Variants in ABHD6 observed in about 807,000 individuals in gnomAD.
ABHD6 encodes abhydrolase domain containing 6, acylglycerol lipase.
A neutral mutation model predicts 38.8 loss-of-function variants in ABHD6; 33 were observed. That is an observed-to-expected ratio of 0.85 (90% CI 0.64 to 1.14). ABHD6 has a LOEUF of 1.14. Ranked by LOEUF, ABHD6 falls within the 50% of genes most tolerant of loss-of-function variation. ABHD6 has a pLI of 0.00. For missense variants in ABHD6, 380 were observed against 422.6 expected, an observed-to-expected ratio of 0.90 and a Z score of 0.88; for synonymous variants, 147 against 161.6, an observed-to-expected ratio of 0.91 and a Z score of 0.69.
intron 7 of ABHD6, among the ~76,000 whole-genome samples, chr3:58,282,726 A>G (rs778680916): frequency 4.6e-5 from 7 of 152,124 alleles, no homozygotes; most frequent in Non-Finnish European, 1.0e-4. Context: ...ACAGAGTGAG[A>G]CCCTGTCTCA....
At chr3:58,253,434 C>T (rs2107430753) in intron 2 of ABHD6, among the ~76,000 whole-genome samples, 1 of 152,340 alleles carries the variant, frequency 6.6e-6, no homozygotes, top group South Asian at 2.1e-4. Context: ...AGATTCCCTT[C>T]AGTCTGTGAT....
intron 1 of ABHD6, among the ~76,000 whole-genome samples, chr3:58,240,847 C>T (rs2097422305): frequency 6.6e-6 from 1 of 151,896 alleles, no homozygotes; most frequent in Non-Finnish European, 1.5e-5. Context: ...TCTCCTGCCT[C>T]AGCCTCCAGA....
At chr3:58,248,432 TCAC>T (rs2097427858) in intron 1 of ABHD6, among the ~76,000 whole-genome samples, 1 of 152,152 alleles carries the variant, frequency 6.6e-6, no homozygotes, top group Non-Finnish European at 1.5e-5. Flanking sequence ...GCATGGTGGC[TCAC>T]GCCTGTAATC....
At chr3:58,252,224 T>A (rs1263561351) in intron 2 of ABHD6, among the ~76,000 whole-genome samples, 1 of 126,874 alleles carries the variant, frequency 7.9e-6, no homozygotes, top group Non-Finnish European at 1.6e-5. Flanking sequence ...TTAAATTGAC[T>A]GCTTGTTTTT....
In ABHD6 at chr3:58,270,406, A is replaced by C. The variant is rs569252798; in HGVS notation, c.391-526A>C. Reference sequence around the variant, plus strand: ...TGCAACAGCAGAGTTGAATAGTTGCAACAGATCATATGGCTCTCAAAGCAG... The same window carrying C: ...TGCAACAGCAGAGTTGAATAGTTGCCACAGATCATATGGCTCTCAAAGCAG... On this transcript the variant is annotated intron_variant, in intron 5 of 9. Transcript: ENST00000478253. Among the ~76,000 whole-genome samples the C allele has an allele frequency of 3.3e-5, 5 of 152,158 alleles. No individual in the cohort carries two copies. The South Asian group carries it at 1.0e-3, about 32-fold the overall frequency.
chr3:58,280,009 G>A (rs2097451899), intron 7 of ABHD6, among the ~76,000 whole-genome samples: 1 of 152,086 alleles, frequency 6.6e-6, no homozygotes, highest in Non-Finnish European at 1.5e-5. Flanking sequence ...TTTCTCTCTG[G>A]CTGCCCTTAA....
rs2097465704 is a variant in ABHD6 at position 58,294,240 on chromosome 3, AGAC to A, written c.*476_*478del. On this transcript the variant is annotated 3_prime_UTR_variant, in exon 10 of 10. Coordinates refer to ENST00000478253, the MANE Select transcript of ABHD6 (RefSeq NM_001320126.2). ...TAGGTCTAATTTAAGTTTTACATAG[AGAC>A]CCATGTATGACTGCAGCCCATTGGC... The A allele has an allele frequency of 6.5e-6, 1 of 153,728 alleles. No individual in the cohort carries two copies. The highest frequency in any genetic ancestry group is 1.4e-5 in the Non-Finnish European group (1 of 69,066). The allele number at this position is 153,728 out of a possible 1,614,324, so 9.5% of individuals were successfully genotyped here.
At chr3:58,290,375 G>C (rs2097461324) in intron 9 of ABHD6, among the ~76,000 whole-genome samples, 1 of 137,226 alleles carries the variant, frequency 7.3e-6, no homozygotes, top group Non-Finnish European at 1.6e-5. Flanking sequence ...GGATGGAGCG[G>C]CTGGCCGGGC....
intron 7 of ABHD6, among the ~76,000 whole-genome samples, chr3:58,281,188 A>T (rs974535131): frequency 6.6e-6 from 1 of 152,242 alleles, no homozygotes; most frequent in African/African-American, 2.4e-5. Flanking sequence ...TGTTCAGCTA[A>T]GCCCTGCCCA....
Position 58,259,382 on chromosome 3 carries a change from A to G in ABHD6, c.119+2677A>G, listed in dbSNP as rs147064588. 1.8e-3 allele frequency among the ~76,000 whole-genome samples: 280 copies of G among 152,334 alleles called. 2 individuals carry two copies. Among genetic ancestry groups the G allele is most frequent in the African/African-American group, 6.3e-3 (261 of 41,576 alleles). On this transcript the variant is annotated intron_variant, in intron 3 of 9. Transcript: ENST00000478253. The surrounding 1 kb of genome is among the most constrained non-coding windows in gnomAD (Gnocchi z 4.7). ...CACATAACATAAAAGTCACCATTTT[A>G]AAGTGTACAATTCAAGGCTGGGCAC...
chr3:58,282,208 C>T (rs1034632380), intron 7 of ABHD6, among the ~76,000 whole-genome samples: 17 of 151,594 alleles, frequency 1.1e-4, no homozygotes, highest in African/African-American at 2.9e-4. Context: ...CTTATAGGTA[C>T]GGAAAGGAGC....
In ABHD6 at chr3:58,257,352, G is replaced by T. The variant is rs117724342; in HGVS notation, c.119+647G>T. ...TTTTTGTTTGTTTGTTGGTTGGTTG[G>T]TTTTTTGGGTTTTTGTTTGGTTTTT... On this transcript the variant is annotated intron_variant, in intron 3 of 9. Coordinates refer to ENST00000478253, the MANE Select transcript of ABHD6 (RefSeq NM_001320126.2). This position sits in a 1 kb window ranked among gnomAD's most constrained non-coding sequence, Gnocchi z 4.8. Among the ~76,000 whole-genome samples the T allele has an allele frequency of 3.4e-3, 486 of 142,518 alleles. 21 individuals are homozygous for T. In the East Asian group the frequency reaches 0.089, roughly 26 times the overall value. The allele number at this position is 142,518 out of a possible 152,430, so 93.5% of individuals were successfully genotyped here.
At chr3:58,271,201 T>C (rs984396875) in intron 6 of ABHD6, 137 bp downstream of exon 6, 1 of 941,132 alleles carries the variant, frequency 1.1e-6, no homozygotes. Context: ...TACTGATAAC[T>C]CTAACCAACC....
chr3:58,293,458 C>T lies in ABHD6; in HGVS notation c.838-131C>T. On this transcript the variant is annotated intron_variant, in intron 9 of 9. Transcript: ENST00000478253. The surrounding 1 kb of genome is among the most constrained non-coding windows in gnomAD (Gnocchi z 4.4). The stretch of plus-strand genomic sequence containing the variant: ...GCCACAAGCCCCAACACCAAAGGGA[C>T]TTGGTCCTAAAATTCACATCCTCCT... The T allele has an allele frequency of 1.1e-6, 1 of 909,708 alleles. No individual in the cohort carries two copies. The highest frequency in any genetic ancestry group is 1.8e-5 in the South Asian group (1 of 56,392). The allele number at this position is 909,708 out of a possible 1,614,324, so 56.4% of individuals were successfully genotyped here.
At position 58,285,466 on chromosome 3, in the gene ABHD6, T is replaced by A. The variant is rs374834255; in HGVS notation, c.837+13T>A. 5 of 1,609,028 alleles carry A rather than the reference T, an allele frequency of 3.1e-6. No individual in the cohort carries two copies. The highest frequency in any genetic ancestry group is 4.3e-6 in the Non-Finnish European group (5 of 1,175,578). On this transcript the variant is annotated intron_variant, in intron 9 of 9. Transcript: ENST00000478253. This position sits in a 1 kb window ranked among gnomAD's most constrained non-coding sequence, Gnocchi z 4.9. The stretch of plus-strand genomic sequence containing the variant: ...GAAACAAGACCAGGTATGTAACACA[T>A]CCCCGCGGCAGTCTGTGCTGGTCAC...
intron 1 of ABHD6, among the ~76,000 whole-genome samples, chr3:58,248,661 G>A (rs748161534): frequency 1.3e-5 from 2 of 152,154 alleles, no homozygotes; most frequent in African/African-American, 2.4e-5. Context: ...TCGCGGCATT[G>A]CACTCCAGCC....
At chr3:58,248,591 G>A (rs1052569463) in intron 1 of ABHD6, among the ~76,000 whole-genome samples, 2 of 152,124 alleles carry the variant, frequency 1.3e-5, no homozygotes, top group Non-Finnish European at 1.5e-5. Context: ...CTAGCTACTC[G>A]GGAGGCTGAG....
Position 58,285,237 on chromosome 3 carries a change from T to C in ABHD6, c.736+98T>C. On this transcript the variant is annotated intron_variant, in intron 8 of 9. Coordinates refer to ENST00000478253, the MANE Select transcript of ABHD6 (RefSeq NM_001320126.2). The surrounding 1 kb of genome is among the most constrained non-coding windows in gnomAD (Gnocchi z 4.9). ...AATCTCTGACACTTTGAATGTCTCT[T>C]TGGGCCCCTGAAGAGAGGAAGTGGT... 1.3e-6 allele frequency: 2 copies of C among 1,522,760 alleles called. No individual in the cohort carries two copies. The highest frequency in any genetic ancestry group is 2.2e-5 in the South Asian group (2 of 89,074). 94.3% of individuals were successfully genotyped at this position (1,522,760 alleles called of 1,614,324 possible).
At chr3:58,278,409 T>C (rs929636884) in intron 7 of ABHD6, among the ~76,000 whole-genome samples, 1 of 152,270 alleles carries the variant, frequency 6.6e-6, no homozygotes, top group Non-Finnish European at 1.5e-5. Context: ...TAGTATTCTC[T>C]GATGGTAGTT....
Sources: gnomAD v4.1 joint callset for allele counts (sites outside exome capture counted in the v4.1 genomes callset) on GRCh38, gnomAD v4.1.1 for gene constraint, Gnocchi (gnomAD v3.1) non-coding constraint, MANE v1.5 for transcripts, NCBI Gene and HGNC (gene_info 2026-07-23, HGNC 2026-07-21) for gene names.